The following KBTBD4 variants were observed in gnomAD, a reference collection of about 807,000 sequenced individuals.
KBTBD4 encodes the protein kelch repeat and BTB domain containing 4, also known as kelch repeat and BTB domain-containing protein 4.
A neutral mutation model predicts 43.9 loss-of-function variants in KBTBD4; 30 were observed. The observed-to-expected ratio is 0.68, with a 90% CI of 0.51 to 0.93. The LOEUF (loss-of-function observed/expected upper bound fraction) is 0.93, where lower values mean the gene tolerates loss of function less well. KBTBD4 is among the 40% of genes least tolerant of loss of function. KBTBD4 has a pLI of 0.00. For missense variants in KBTBD4, 575 were observed against 668.8 expected (o/e 0.86, Z 1.55); for synonymous variants, 258 against 256.9 (o/e 1.00, Z -0.04).
intron 3 of KBTBD4, among the ~76,000 whole-genome samples, chr11:47,575,177 T>A (rs2097256747): frequency 6.8e-6 from 1 of 146,390 alleles, no homozygotes; most frequent in Non-Finnish European, 1.5e-5. Flanking sequence ...ACCACTGCAT[T>A]CCAGCCTGGG....
intron 1 of KBTBD4, 177 bp from the exon 2 acceptor site, chr11:47,578,205 C>T: frequency 3.1e-6 from 2 of 649,018 alleles, no homozygotes; most frequent in Non-Finnish European, 5.2e-6. Flanking sequence ...AATCTGGGTT[C>T]GTTATCCCCA....
In KBTBD4 at chr11:47,573,480, C is replaced by A; in HGVS notation, c.1055G>T (p.Gly352Val). 6.2e-7 allele frequency: 1 copy of A among 1,614,182 alleles called. No homozygotes were observed. The highest frequency in any genetic ancestry group is 8.5e-7 in the Non-Finnish European group (1 of 1,180,042). ...VPGKDAIYSL[G>V]GKTLQDTLSN... is the part of the protein sequence containing the mutation. ...GAGGGTATCTTGCAGTGTCTTGCCA[C>A]CCAGTGAATATATGGCATCTTTCCC... Residue 352 changes from glycine to valine, a missense_variant, in exon 4 of 4, where the codon GGT (glycine) becomes GTT (valine). By Grantham distance (109) the Gly-to-Val change is moderately radical (BLOSUM62 -3). Transcript: ENST00000430070. The surrounding 1 kb of genome is among the most constrained non-coding windows in gnomAD (Gnocchi z 4.1).
chr11:47,575,128 T>C (rs1307988767), intron 3 of KBTBD4, among the ~76,000 whole-genome samples: 2 of 149,198 alleles, frequency 1.3e-5, no homozygotes, highest in Non-Finnish European at 3.0e-5. Flanking sequence ...GAAAATAGCC[T>C]GAAACTGGGA....
intron 2 of KBTBD4, 21 bp downstream of exon 2, chr11:47,577,390 G>C (rs748378357): frequency 6.3e-7 from 1 of 1,581,118 alleles, no homozygotes; most frequent in Non-Finnish European, 8.6e-7. Flanking sequence ...TGGGTATGGT[G>C]TGTCCCCTCC....
rs890404634 is a variant in KBTBD4, at chr11:47,577,457, C to G, written c.591G>C (p.Glu197Asp). ...KTHLAQLQNTEEFLHLPHRLL... is the reference protein window; with the variant it reads ...KTHLAQLQNTDEFLHLPHRLL... ...AGCGGTGGGGCAAGTGGAGAAATTC[C>G]TCTGTATTCTGCAGCTGGGCCAGGT... is the stretch of plus-strand genomic sequence containing the variant. Residue 197 changes from glutamate to aspartate, a missense_variant, in exon 2 of 4, where the codon GAG becomes GAC. Physicochemically the swap from Glu to Asp is conservative, Grantham distance 45. Transcript: ENST00000430070. The G allele has an allele frequency of 1.2e-6, 2 of 1,611,744 alleles. No homozygotes were observed. The highest frequency in any genetic ancestry group is 1.7e-6 in the Non-Finnish European group (2 of 1,178,096).
intron 2 of KBTBD4, among the ~76,000 whole-genome samples, chr11:47,577,018 T>C (rs1376913408): frequency 6.6e-6 from 1 of 152,158 alleles, no homozygotes; most frequent in Non-Finnish European, 1.5e-5. Flanking sequence ...CTTGCAAGGT[T>C]AGGATTGTTT....
Position 47,572,812 on chromosome 11 carries a change from G to A in KBTBD4, c.*118C>T. 9.5e-7 allele frequency: 1 copy of A among 1,050,858 alleles called. No individual in the cohort carries two copies. Among genetic ancestry groups the A allele is most frequent in the Non-Finnish European group, 1.4e-6 (1 of 728,816 alleles). The allele number at this position is 1,050,858 out of a possible 1,614,324, so 65.1% of individuals were successfully genotyped here. ...CTCCATGGATTCAGGGAAGGGCTGA[G>A]GCACTGCCTTTCTAGTATGTGCCAA... On this transcript the variant is annotated 3_prime_UTR_variant, in exon 4 of 4. Coordinates refer to ENST00000430070, the MANE Select transcript of KBTBD4 (RefSeq NM_018095.6).
chr11:47,576,156 TGC>T (rs1456966258), intron 2 of KBTBD4, among the ~76,000 whole-genome samples: 35 of 128,468 alleles, frequency 2.7e-4, no homozygotes, highest in Admixed American at 1.0e-3. Context: ...TGGCGGGTCT[TGC>T]TTTTTTTTTT....
intron 2 of KBTBD4, 37 bp from the exon 3 acceptor site, chr11:47,575,736 T>G (rs2097257997): frequency 3.0e-6 from 4 of 1,348,766 alleles, no homozygotes; most frequent in African/African-American, 1.5e-5. Context: ...TCAATGACAA[T>G]CCGAAAGAGA....
At chr11:47,575,722 A>G in intron 2 of KBTBD4, 23 bp from the exon 3 acceptor site, 1 of 1,450,034 alleles carries the variant, frequency 6.9e-7, no homozygotes, top group South Asian at 1.2e-5. Flanking sequence ...GAGGAAAGGC[A>G]TGGTCAATGA....
rs772635290 is a variant in KBTBD4 at position 47,573,207 on chromosome 11, A to T, written c.1328T>A (p.Val443Glu). Residue 443 changes from valine to glutamate, a missense_variant, in exon 4 of 4, where the codon GTG becomes GAG. Transcript: ENST00000430070. The surrounding 1 kb of genome is among the most constrained non-coding windows in gnomAD (Gnocchi z 4.1). ...LPFAGRMHAAVHKDLVFIVAE... is the reference protein window; with the variant it reads ...LPFAGRMHAAEHKDLVFIVAE... ...CACGATGAACACCAGATCTTTATGC[A>T]CAGCTGCGTGCATGCGGCCTGCAAA... 1.2e-6 allele frequency: 2 copies of T among 1,614,188 alleles called. No individual in the cohort carries two copies. The highest frequency in any genetic ancestry group is 1.7e-6 in the Non-Finnish European group (2 of 1,180,030).
At position 47,578,555 on chromosome 11, in the gene KBTBD4, G is replaced by A. The variant is rs1281255201; in HGVS notation, c.19+378C>T. On this transcript the variant is annotated intron_variant, in intron 1 of 3. Transcript: ENST00000430070. Reference sequence around the variant, plus strand: ...GTGGGTCTTACATTTGCTCTCTTCTGAGCTGCTTCCCCCACACTTCCCCGC... The same window carrying A: ...GTGGGTCTTACATTTGCTCTCTTCTAAGCTGCTTCCCCCACACTTCCCCGC... 1.6e-5 allele frequency: 11 copies of A among 698,744 alleles called. No individual in the cohort carries two copies. The East Asian group carries it at 3.0e-4, about 19-fold the overall frequency. 43.3% of individuals were successfully genotyped at this position (698,744 alleles called of 1,614,324 possible). A position where few individuals can be genotyped will look rare whatever the true frequency, so the allele number is the denominator to read the frequency against.
At chr11:47,575,273 C>T (rs566485313) in intron 3 of KBTBD4, among the ~76,000 whole-genome samples, 10 of 150,626 alleles carry the variant, frequency 6.6e-5, no homozygotes, top group South Asian at 4.2e-4. Flanking sequence ...CTTTGGGAGG[C>T]GGAGGCGGGC....
At chr11:47,578,230 C>G in intron 1 of KBTBD4, 2 of 598,788 alleles carry the variant, frequency 3.3e-6, no homozygotes, top group Non-Finnish European at 5.9e-6. Flanking sequence ...CGCCCCTCCG[C>G]TAATGATATA....
In KBTBD4 at chr11:47,578,933, C is replaced by G; in HGVS notation, c.19G>C (p.Asp7His). Residue 7 changes from aspartate to histidine, a missense_variant and splice_region_variant, in exon 1 of 4, where the codon GAC (aspartate) becomes CAC (histidine). Transcript: ENST00000430070. Reference protein sequence around the residue: MKGGNADSWQREKLASM... With the variant: MKGGNAHSWQREKLASM... The stretch of plus-strand genomic sequence containing the variant: ...CTACCTGCCTGTCTCGCTTTCTCAC[C>G]TGCGTTCCCTCCTTTCATCCCGGAG... The G allele has an allele frequency of 6.4e-7, 1 of 1,551,856 alleles. No individual in the cohort carries two copies. Among genetic ancestry groups the G allele is most frequent in the South Asian group, 1.2e-5 (1 of 84,070 alleles).
At chr11:47,574,726 C>T (rs1049616401) in intron 3 of KBTBD4, among the ~76,000 whole-genome samples, 27 of 151,676 alleles carry the variant, frequency 1.8e-4, no homozygotes, top group African/African-American at 5.6e-4. Flanking sequence ...TGGTCGTGGG[C>T]GCCTGAAATC....
intron 2 of KBTBD4, 64 bp from the exon 3 acceptor site, chr11:47,575,763 C>A: frequency 9.2e-7 from 1 of 1,092,702 alleles, no homozygotes; most frequent in Non-Finnish European, 1.4e-6. Flanking sequence ...GAGTAAGGGA[C>A]TTTAAAGATG....
In KBTBD4 at chr11:47,578,749, G is replaced by T. The variant is rs1242442344; in HGVS notation, c.19+184C>A. On this transcript the variant is annotated intron_variant, in intron 1 of 3. Coordinates refer to ENST00000430070, the MANE Select transcript of KBTBD4 (RefSeq NM_018095.6). ...TTCCCGCTCAGGCCCGCCCGCCCTCGTCAAAAGCTTGGCTCAGAGAGCGGG... is the reference window on the plus strand; with the variant it reads ...TTCCCGCTCAGGCCCGCCCGCCCTCTTCAAAAGCTTGGCTCAGAGAGCGGG... The T allele has an allele frequency of 3.4e-6, 5 of 1,486,234 alleles. No individual in the cohort carries two copies. In the Admixed American group the frequency reaches 8.7e-5, roughly 26 times the overall value. The allele number at this position is 1,486,234 out of a possible 1,614,324, so 92.1% of individuals were successfully genotyped here. A position where few individuals can be genotyped will look rare whatever the true frequency, so the allele number is the denominator to read the frequency against.
chr11:47,578,961 C>T lies in KBTBD4; in HGVS notation c.-10G>A. 1.3e-6 allele frequency: 2 copies of T among 1,551,706 alleles called. No homozygotes were observed. Among genetic ancestry groups the T allele is most frequent in the East Asian group, 2.4e-5 (1 of 40,926 alleles). ...CGTTCCCTCCTTTCATCCCGGAGCC[C>T]GGAACCTCCGCTTCCGGCTCCACGT... On this transcript the variant is annotated 5_prime_UTR_variant, in exon 1 of 4. Coordinates refer to ENST00000430070, the MANE Select transcript of KBTBD4 (RefSeq NM_018095.6).
Sources: gnomAD v4.1 joint callset for allele counts (sites outside exome capture counted in the v4.1 genomes callset) on GRCh38, gnomAD v4.1.1 for gene constraint, Gnocchi (gnomAD v3.1) non-coding constraint, MANE v1.5 for transcripts, NCBI Gene and HGNC (gene_info 2026-07-23, HGNC 2026-07-21) for gene names.